Variants in ADCY7 observed in about 807,000 individuals in gnomAD.
The protein encoded by ADCY7 is adenylate cyclase 7.
Under a neutral mutation model 120.6 loss-of-function variants are expected in ADCY7, and 72 were observed. The ratio of observed to expected loss-of-function variants is 0.60; its 90% CI spans 0.49 to 0.73. The LOEUF (loss-of-function observed/expected upper bound fraction) is 0.73, where lower values mean the gene tolerates loss of function less well. Ranked by LOEUF, ADCY7 falls within the 30% of genes least tolerant of loss-of-function variation. ADCY7 has a pLI of 0.00. For synonymous variants in ADCY7, 661 were observed against 628.0 expected (o/e 1.05, Z -0.78); for missense variants, 1,227 against 1,486.0 (o/e 0.83, Z 2.87).
In ADCY7 at chr16:50,314,414, C is replaced by A; in HGVS notation, c.2971+8C>A. ...CCTTCCGCCTCCGCGTCGGTGAGCC[C>A]GGGTGATGGAGCGGGGTGGGGAGCC... is the stretch of plus-strand genomic sequence containing the variant. On this transcript the variant is annotated splice_region_variant and intron_variant, in intron 24 of 25. Coordinates refer to ENST00000673801, the MANE Select transcript of ADCY7 (RefSeq NM_001114.5). 1 of 1,611,190 alleles carries A rather than the reference C, an allele frequency of 6.2e-7. No homozygotes were observed. Among genetic ancestry groups the A allele is most frequent in the Non-Finnish European group, 8.5e-7 (1 of 1,178,964 alleles).
Position 50,310,870 on chromosome 16 carries a change from G to A in ADCY7, c.2344G>A (p.Gly782Ser), listed in dbSNP as rs1315861352. Residue 782 changes from glycine (G) to serine (S), a missense_variant, in exon 19 of 26, where the codon GGC (glycine) becomes AGC (serine). Physicochemically the swap from Gly to Ser is moderately conservative, Grantham distance 56 (BLOSUM62 0). Around this residue, in one of 5 missense-constraint regions of ADCY7, gnomAD observed 267 missense variants for 270.0 expected, o/e 0.99. Transcript: ENST00000673801. ...CCTGGGCAACCTCACCAAGCCCAAC[G>A]GCACCACCAGGTGGGGTCCCGCCCG... ...QGLGNLTKPN[G>S]TTSGTPSCSW... 8.1e-6 allele frequency: 13 copies of A among 1,604,136 alleles called. No individual in the cohort carries two copies. Among genetic ancestry groups the A allele is most frequent in the African/African-American group, 4.0e-5 (3 of 74,806 alleles).
intron 10 of ADCY7, chr16:50,301,849 G>A (rs1453857407): frequency 6.5e-6 from 1 of 153,456 alleles, no homozygotes; most frequent in Admixed American, 6.5e-5. Flanking sequence ...CAGCCAGCGA[G>A]TGGCTCCTTT....
intron 1 of ADCY7, among the ~76,000 whole-genome samples, chr16:50,276,450 G>A (rs2033897955): frequency 6.6e-6 from 1 of 152,190 alleles, no homozygotes; most frequent in African/African-American, 2.4e-5. Flanking sequence ...TTGCGCCAGG[G>A]GTGGCTCAGT....
intron 1 of ADCY7, among the ~76,000 whole-genome samples, chr16:50,274,609 G>C (rs188595380): frequency 6.6e-6 from 1 of 152,186 alleles, no homozygotes; most frequent in Non-Finnish European, 1.5e-5. Context: ...CTTGGTTTGG[G>C]GCTGGGCACT....
chr16:50,297,775 G>A lies in ADCY7; in HGVS notation c.949-1129G>A, dbSNP rs184279595. Among the ~76,000 whole-genome samples, 993 of 152,276 alleles carry A rather than the reference G, an allele frequency of 6.5e-3. 8 individuals are homozygous for A. The highest frequency in any genetic ancestry group is 7.4e-3 in the Non-Finnish European group (506 of 68,008). ...TGTTCCAGGAGCAGGCCTAGCCCTC[G>A]TGAGCCTGCAGGACAGAGCCCTCTT... On this transcript the variant is annotated intron_variant, in intron 7 of 25. Transcript: ENST00000673801. This position sits in a 1 kb window ranked among gnomAD's most constrained non-coding sequence, Gnocchi z 4.4.
rs1401985983 is a variant in ADCY7 at position 50,316,121 on chromosome 16, T to A, written c.*616T>A. The A allele has an allele frequency of 6.5e-6, 1 of 152,746 alleles. No individual in the cohort carries two copies. Among genetic ancestry groups the A allele is most frequent in the African/African-American group, 2.4e-5 (1 of 41,470 alleles). 9.5% of individuals were successfully genotyped at this position (152,746 alleles called of 1,614,324 possible). A position where few individuals can be genotyped will look rare whatever the true frequency, so the allele number is the denominator to read the frequency against. ...TGTTTGTTTTAAATGAATACATTAA[T>A]GGGGTTTTTATCCTTTTGAATGACT... On this transcript the variant is annotated 3_prime_UTR_variant, in exon 26 of 26. Coordinates refer to ENST00000673801, the MANE Select transcript of ADCY7 (RefSeq NM_001114.5).
intron 20 of ADCY7, 97 bp from the exon 21 acceptor site, chr16:50,311,939 A>C: frequency 1.3e-6 from 2 of 1,558,294 alleles, no homozygotes; most frequent in South Asian, 2.3e-5. Flanking sequence ...CAGAGGCTCC[A>C]AGGACGCCAG....
chr16:50,254,981 C>T (rs1429017879), intron 1 of ADCY7, among the ~76,000 whole-genome samples: 1 of 152,006 alleles, frequency 6.6e-6, no homozygotes, highest in Non-Finnish European at 1.5e-5. Context: ...TAGCATTGTA[C>T]TGGCATAAAA....
intron 10 of ADCY7, among the ~76,000 whole-genome samples, chr16:50,304,020 G>A (rs760972065): frequency 6.6e-5 from 10 of 152,158 alleles, no homozygotes; most frequent in South Asian, 2.1e-4. Context: ...TCGGGCTTGG[G>A]ACCCAAGCCC....
intron 22 of ADCY7, 59 bp from the exon 23 acceptor site, chr16:50,313,899 G>A: frequency 1.4e-6 from 2 of 1,442,142 alleles, no homozygotes; most frequent in East Asian, 2.3e-5. Flanking sequence ...GAGAAGCAGG[G>A]GCAGCCTGGC....
intron 6 of ADCY7, 125 bp downstream of exon 6, chr16:50,293,627 GC>G: frequency 1.6e-6 from 2 of 1,245,048 alleles, no homozygotes; most frequent in Non-Finnish European, 2.2e-6. Context: ...TTGGGAGAGG[GC>G]CCCATGGTTC....
chr16:50,310,236 G>C (rs1312856845), intron 18 of ADCY7, among the ~76,000 whole-genome samples: 1 of 152,136 alleles, frequency 6.6e-6, no homozygotes, highest in African/African-American at 2.4e-5. Flanking sequence ...GGGAGAACTG[G>C]GAGATGGAGC....
intron 1 of ADCY7, among the ~76,000 whole-genome samples, chr16:50,273,664 G>A (rs892810347): frequency 4.6e-5 from 7 of 152,238 alleles, no homozygotes; most frequent in African/African-American, 1.7e-4. Flanking sequence ...GCGAAGAGAA[G>A]GGTTTCATCC....
intron 1 of ADCY7, among the ~76,000 whole-genome samples, chr16:50,277,444 G>A (rs1358279065): frequency 6.6e-6 from 1 of 152,166 alleles, no homozygotes; most frequent in Admixed American, 6.5e-5. Flanking sequence ...GTGAGTGACT[G>A]TTTCCAACAC....
At position 50,285,241 on chromosome 16, in the gene ADCY7, T is replaced by C. The variant is rs115235287; in HGVS notation, c.-268-2671T>C. Reference sequence around the variant, plus strand: ...GCTCTTGGCCACATCCCTGAAGGGTTGCCCCTCGTTGAACAGGTGCCAAGG... The same window carrying C: ...GCTCTTGGCCACATCCCTGAAGGGTCGCCCCTCGTTGAACAGGTGCCAAGG... On this transcript the variant is annotated intron_variant, in intron 1 of 25. Transcript: ENST00000673801. 8.5e-3 allele frequency among the ~76,000 whole-genome samples: 1,291 copies of C among 152,358 alleles called. 19 individuals are homozygous for C. The highest frequency in any genetic ancestry group is 0.029 in the African/African-American group (1,202 of 41,578).
rs919888779 is a variant in ADCY7 at position 50,318,011 on chromosome 16, G to A, written c.*2506G>A. On this transcript the variant is annotated 3_prime_UTR_variant, in exon 26 of 26. Transcript: ENST00000673801. ...GAGGTGGTGCATGCAAGTAACTAGG[G>A]TTTATTCTATATAATGAATATTTAT... 4 of 152,260 alleles carry A rather than the reference G, an allele frequency of 2.6e-5. No individual in the cohort carries two copies. Among genetic ancestry groups the A allele is most frequent in the Admixed American group, 2.6e-4 (4 of 15,276 alleles). 9.4% of individuals were successfully genotyped at this position (152,260 alleles called of 1,614,324 possible). A position where few individuals can be genotyped will look rare whatever the true frequency, so the allele number is the denominator to read the frequency against.
chr16:50,304,265 G>A (rs1254359785), intron 10 of ADCY7, 95 bp from the exon 11 acceptor site: 7 of 1,219,820 alleles, frequency 5.7e-6, no homozygotes, highest in African/African-American at 3.1e-5. Context: ...TCAGGGCGGC[G>A]TCACACTTCA....
chr16:50,290,590 C>T lies in ADCY7; in HGVS notation c.305C>T (p.Ala102Val), dbSNP rs751285690. The change falls in exon 3 of 26, where the codon GCC becomes GTC. Residue 102 changes from alanine to valine, a missense_variant. Transcript: ENST00000673801. The part of the protein sequence containing the change: ...WLRALALLTW[A>V]CLVALGYVLV... ...AGGGCCTTGGCGCTGCTCACCTGGGCCTGCTTGGTGGCGCTGGGCTATGTG... is the reference window on the plus strand; with the variant it reads ...AGGGCCTTGGCGCTGCTCACCTGGGTCTGCTTGGTGGCGCTGGGCTATGTG... 5.3e-5 allele frequency: 86 copies of T among 1,614,054 alleles called. No individual in the cohort carries two copies. The highest frequency in any genetic ancestry group is 8.5e-7 in the Non-Finnish European group (1 of 1,180,036).
intron 1 of ADCY7, among the ~76,000 whole-genome samples, chr16:50,247,811 C>A (rs936964446): frequency 2.6e-5 from 4 of 152,146 alleles, no homozygotes; most frequent in Non-Finnish European, 4.4e-5. Context: ...TCTGCTCGTT[C>A]GGGATCCCCA....
Sources: gnomAD v4.1 joint callset for allele counts (sites outside exome capture counted in the v4.1 genomes callset) on GRCh38, gnomAD v4.1.1 for gene constraint, gnomAD v4.1.1 regional missense constraint, Gnocchi (gnomAD v3.1) non-coding constraint, MANE v1.5 for transcripts, NCBI Gene and HGNC (gene_info 2026-07-23, HGNC 2026-07-21) for gene names.